Variants in CD22 observed in about 807,000 individuals in gnomAD.
The protein encoded by CD22 is CD22 molecule, also known as B-cell receptor CD22.
In CD22, 51 loss-of-function variants were observed where a neutral mutation model predicts 94.7. The observed-to-expected ratio is 0.54, with a 90% CI of 0.43 to 0.68. The LOEUF (loss-of-function observed/expected upper bound fraction) is 0.68, where lower values mean the gene tolerates loss of function less well. Among genes scored for constraint, CD22 ranks in the 30% least tolerant of loss-of-function variants. CD22 has a pLI of 0.00. For missense variants in CD22, 931 were observed against 1,060.4 expected (o/e 0.88, Z 1.69); for synonymous variants, 424 against 422.5 (o/e 1.00, Z -0.04).
At chr19:35,333,854 C>A (rs976413824) in intron 3 of CD22, among the ~76,000 whole-genome samples, 1 of 152,154 alleles carries the variant, frequency 6.6e-6, no homozygotes, top group African/African-American at 2.4e-5. Flanking sequence ...CCGGCCTGAT[C>A]TTCTGATTTT....
chr19:35,329,814 G>T (rs908540586), intron 1 of CD22: 1 of 155,426 alleles, frequency 6.4e-6, no homozygotes. Context: ...ACGGAGTCTA[G>T]TCCTTGCCAC....
chr19:35,341,575 A>T lies in CD22; in HGVS notation c.1740A>T (p.Thr580=). ...GGGTGAACAACTCCATAGGACAGAC[A>T]GCGTCCAAGGCCTGGACACTTGAAG... ...SCWVNNSIGQ[T]ASKAWTLEVL... is the part of the protein sequence containing the mutation. Residue 580 remains threonine, a synonymous_variant, in exon 8 of 14, where the codon ACA becomes ACT. Transcript: ENST00000085219. This position sits in a 1 kb window ranked among gnomAD's most constrained non-coding sequence, Gnocchi z 4.0. 1 of 1,613,656 alleles carries T rather than the reference A, an allele frequency of 6.2e-7. No homozygotes were observed. Among genetic ancestry groups the T allele is most frequent in the African/African-American group, 1.3e-5 (1 of 75,050 alleles).
At chr19:35,342,068 T>G in intron 9 of CD22, 103 bp downstream of exon 9, 7 of 1,053,126 alleles carry the variant, frequency 6.6e-6, no homozygotes, top group Non-Finnish European at 9.5e-6. Context: ...CTTTCTCTCT[T>G]TCTTTTCCTC....
Position 35,341,095 on chromosome 19 carries a change from T to C in CD22, c.1464T>C (p.Asn488=), listed in dbSNP as rs1344228425. The C allele has an allele frequency of 2.5e-6, 4 of 1,613,916 alleles. No homozygotes were observed. Among genetic ancestry groups the C allele is most frequent in the African/African-American group, 1.3e-5 (1 of 74,892 alleles). The change falls in exon 7 of 14, where the codon AAT becomes AAC. Residue 488 remains asparagine (N), a synonymous_variant. Coordinates refer to ENST00000085219, the MANE Select transcript of CD22 (RefSeq NM_001771.4). The surrounding 1 kb of genome is among the most constrained non-coding windows in gnomAD (Gnocchi z 4.0). ...DNTTIACAAC[N]SWCSWASPVA... ...CAACCATCGCCTGCGCAGCTTGTAA[T>C]AGTTGGTGCTCGTGGGCCTCCCCTG...
rs2066757388 is a variant in CD22 at position 35,338,434 on chromosome 19, G to C, written c.1249+3G>C. 1 of 1,610,190 alleles carries C rather than the reference G, an allele frequency of 6.2e-7. No individual in the cohort carries two copies. Among genetic ancestry groups the C allele is most frequent in the South Asian group, 1.1e-5 (1 of 90,612 alleles). On this transcript the variant is annotated splice_donor_region_variant and intron_variant, in intron 6 of 13. Transcript: ENST00000085219. Reference sequence around the variant, plus strand: ...GGGAGCTGAGCTGGATGTCCAGTGTGAGTAGCCACGGAGCCTCTGGTTCTA... The same window carrying C: ...GGGAGCTGAGCTGGATGTCCAGTGTCAGTAGCCACGGAGCCTCTGGTTCTA...
chr19:35,340,155 C>T (rs1244888665), intron 6 of CD22, among the ~76,000 whole-genome samples: 1 of 152,196 alleles, frequency 6.6e-6, no homozygotes, highest in Non-Finnish European at 1.5e-5. Context: ...GTGACCACAG[C>T]AGCCACAGTG....
At position 35,332,749 on chromosome 19, in the gene CD22, C is replaced by T. The variant is rs769951377; in HGVS notation, c.237C>T (p.Ser79=). 1.2e-6 allele frequency: 2 copies of T among 1,614,150 alleles called. No individual in the cohort carries two copies. The highest frequency in any genetic ancestry group is 1.1e-5 in the South Asian group (1 of 91,088). Residue 79 remains serine, a synonymous_variant, in exon 3 of 14, where the codon AGC becomes AGT. Transcript: ENST00000085219. ...SKFDGTRLYE[S]TKDGKVPSEQ... ...TTGATGGGACAAGACTCTATGAAAG[C>T]ACAAAGGATGGGAAGGTTCCTTCTG...
chr19:35,340,793 G>A (rs546216058), intron 6 of CD22, 88 bp from the exon 7 acceptor site: 3 of 1,451,716 alleles, frequency 2.1e-6, no homozygotes, highest in Non-Finnish European at 2.9e-6. Flanking sequence ...AGATGCCCGG[G>A]ACAGGTAGCG....
rs762276282 is a variant in CD22, at chr19:35,344,810, C to A, written c.2036-19C>A. 1 of 1,578,016 alleles carries A rather than the reference C, an allele frequency of 6.3e-7. No individual in the cohort carries two copies. The highest frequency in any genetic ancestry group is 1.1e-5 in the South Asian group (1 of 88,136). Reference sequence around the variant, plus strand: ...AGCTGGCCCCTCAGTTGATTAAGGTCTCTCCTTTCTCCACCCAGATAGCCC... The same window carrying A: ...AGCTGGCCCCTCAGTTGATTAAGGTATCTCCTTTCTCCACCCAGATAGCCC... On this transcript the variant is annotated intron_variant, in intron 9 of 13. Transcript: ENST00000085219.
intron 6 of CD22, among the ~76,000 whole-genome samples, chr19:35,338,836 A>C (rs1474561000): frequency 6.6e-6 from 1 of 151,890 alleles, no homozygotes; most frequent in East Asian, 2.0e-4. Context: ...TCACCGTGTT[A>C]GCCAGGATGG....
At chr19:35,335,002 C>T (rs952591537) in intron 3 of CD22, among the ~76,000 whole-genome samples, 17 of 147,290 alleles carry the variant, frequency 1.2e-4, no homozygotes, top group Non-Finnish European at 2.4e-4. Flanking sequence ...GGCGTGAACC[C>T]GGAAGGTGGA....
chr19:35,342,021 C>T (rs2066819468), intron 9 of CD22, 56 bp downstream of exon 9: 1 of 661,964 alleles, frequency 1.5e-6, no homozygotes, highest in South Asian at 2.7e-5. Context: ...TTCCTTCCTT[C>T]CTTCCTTCCT....
chr19:35,332,734 A>G lies in CD22; in HGVS notation c.222A>G (p.Thr74=). The G allele has an allele frequency of 1.2e-6, 2 of 1,614,192 alleles. No individual in the cohort carries two copies. The highest frequency in any genetic ancestry group is 1.7e-6 in the Non-Finnish European group (2 of 1,180,036). ...AGAACACCTCGAAGTTTGATGGGAC[A>G]AGACTCTATGAAAGCACAAAGGATG... ...YNKNTSKFDG[T]RLYESTKDGK... The change falls in exon 3 of 14, where the codon ACA becomes ACG. Residue 74 remains threonine (T), a synonymous_variant. Transcript: ENST00000085219.
chr19:35,344,848 C>T lies in CD22; in HGVS notation c.2055C>T (p.Gly685=), dbSNP rs753434112. Residue 685 remains glycine, a synonymous_variant, in exon 10 of 14, where the codon GGC becomes GGT. Transcript: ENST00000085219. ...LTVYYSPETI[G]RRVAVGLGSC... ...ACCCAGATAGCCCGGAGACCATCGG[C>T]AGGCGAGTGGCTGTGGGACTCGGGT... The T allele has an allele frequency of 4.3e-6, 7 of 1,612,782 alleles. No homozygotes were observed. In the East Asian group the frequency reaches 1.6e-4, roughly 36 times the overall value.
In CD22 at chr19:35,336,017, G is replaced by A. The variant is rs778047756; in HGVS notation, c.413-19G>A. 2.1e-5 allele frequency: 34 copies of A among 1,605,450 alleles called. No homozygotes were observed. The East Asian group carries it at 2.9e-4, about 14-fold the overall frequency. ...TCCTCAGTCCCCCAGGCTCCTGCAC[G>A]GGCTCTGTTCTTTTGCAGAAAGGCC... On this transcript the variant is annotated intron_variant, in intron 3 of 13. Transcript: ENST00000085219.
chr19:35,341,674 G>A lies in CD22; in HGVS notation c.1772-28G>A, dbSNP rs370283779. ...CAGTGGCCTGCCTGGTAGTGACTTCGCACCCCCTCCCCCTGCCCGCCATGC... is the reference window on the plus strand; with the variant it reads ...CAGTGGCCTGCCTGGTAGTGACTTCACACCCCCTCCCCCTGCCCGCCATGC... On this transcript the variant is annotated intron_variant, in intron 8 of 13. Transcript: ENST00000085219. This position sits in a 1 kb window ranked among gnomAD's most constrained non-coding sequence, Gnocchi z 4.0. 33 of 1,605,702 alleles carry A rather than the reference G, an allele frequency of 2.1e-5. No homozygotes were observed. In the East Asian group the frequency reaches 2.7e-4, roughly 13 times the overall value.
At chr19:35,336,644 A>G in intron 4 of CD22, 1 of 399,062 alleles carries the variant, frequency 2.5e-6, no homozygotes, top group African/African-American at 2.0e-5. Flanking sequence ...CATTCAATAA[A>G]TACGTATCAT....
In CD22 at chr19:35,346,816, A is replaced by G. The variant is rs1222357992; in HGVS notation, c.*119A>G. 4.3e-5 allele frequency: 35 copies of G among 819,446 alleles called. No homozygotes were observed. The highest frequency in any genetic ancestry group is 5.7e-5 in the African/African-American group (3 of 52,758). 50.8% of individuals were successfully genotyped at this position (819,446 alleles called of 1,614,324 possible). ...CGCATGTGCGCACACACACACACAC[A>G]CGCACACACACACACACACACTCAC... On this transcript the variant is annotated 3_prime_UTR_variant, in exon 14 of 14. Coordinates refer to ENST00000085219, the MANE Select transcript of CD22 (RefSeq NM_001771.4).
At chr19:35,340,270 C>T (rs984869076) in intron 6 of CD22, among the ~76,000 whole-genome samples, 3 of 151,866 alleles carry the variant, frequency 2.0e-5, no homozygotes, top group Non-Finnish European at 4.4e-5. Flanking sequence ...AGGACTCACC[C>T]CCCACCCACC....
Sources: allele counts gnomAD v4.1 joint callset (sites outside exome capture counted in the v4.1 genomes callset), GRCh38; gene constraint gnomAD v4.1.1; non-coding constraint Gnocchi (gnomAD v3.1); transcripts MANE v1.5; gene names NCBI Gene and HGNC (gene_info 2026-07-23, HGNC 2026-07-21).